SH3PXD2A: variants seen among roughly 807,000 people sequenced by gnomAD.
SH3PXD2A encodes SH3 and PX domain-containing protein 2A.
Under a neutral mutation model 115.2 loss-of-function variants are expected in SH3PXD2A, and 32 were observed. The ratio of observed to expected loss-of-function variants is 0.28; its 90% confidence interval spans 0.21 to 0.37. SH3PXD2A has a LOEUF of 0.37. SH3PXD2A is among the 10% of genes least tolerant of loss of function. SH3PXD2A has a pLI of 1.00. For missense variants in SH3PXD2A, 1,328 were observed against 1,498.7 expected (o/e 0.89, Z 1.88); for synonymous variants, 610 against 629.1 (o/e 0.97, Z 0.45).
intron 8 of SH3PXD2A, 49 bp downstream of exon 8, chr10:103,660,934 G>A: frequency 1.9e-6 from 3 of 1,598,890 alleles, no homozygotes; most frequent in East Asian, 2.2e-5. Context: ...AGCTCGGCCC[G>A]GGGGCCAGAC....
In SH3PXD2A at chr10:103,617,269, T is replaced by C; in HGVS notation, c.848A>G (p.Asp283Gly). The C allele has an allele frequency of 1.2e-6, 2 of 1,614,226 alleles. No homozygotes were observed. The highest frequency in any genetic ancestry group is 1.7e-6 in the Non-Finnish European group (2 of 1,180,000). Reference protein sequence around the residue: ...TVQPYTSQSKDEIGFEKGVTV... With the variant: ...TVQPYTSQSKGEIGFEKGVTV... Reference sequence around the variant, plus strand: ...GACGCCCTTCTCAAAGCCAATCTCGTCCTTGCTTTGGCTGGTGTAAGGCTG... The same window carrying C: ...GACGCCCTTCTCAAAGCCAATCTCGCCCTTGCTTTGGCTGGTGTAAGGCTG... The change falls in exon 11 of 15, where the codon GAC (aspartate) becomes GGC (glycine). Residue 283 changes from aspartate to glycine, a missense_variant. Physicochemically the swap from Asp to Gly is moderately conservative, Grantham distance 94 (BLOSUM62 -1). Transcript: ENST00000369774.
chr10:103,659,850 G>A (rs2037265206), intron 8 of SH3PXD2A, among the ~76,000 whole-genome samples: 1 of 152,128 alleles, frequency 6.6e-6, no homozygotes, highest in Non-Finnish European at 1.5e-5. Context: ...CCCCCAGGAG[G>A]CCCACTGGGA....
At chr10:103,659,806 T>C (rs910450413) in intron 8 of SH3PXD2A, among the ~76,000 whole-genome samples, 1 of 152,122 alleles carries the variant, frequency 6.6e-6, no homozygotes, top group Non-Finnish European at 1.5e-5. Context: ...CCCTGTTCTC[T>C]GGAGCCACTG....
chr10:103,761,035 G>A (rs1165105903), intron 3 of SH3PXD2A, among the ~76,000 whole-genome samples: 2 of 152,182 alleles, frequency 1.3e-5, no homozygotes, highest in Non-Finnish European at 2.9e-5. Flanking sequence ...TGGGAATGCC[G>A]AGAGGTTGGG....
chr10:103,678,030 G>T, intron 6 of SH3PXD2A: 1 of 955,304 alleles, frequency 1.0e-6, no homozygotes, highest in Non-Finnish European at 1.5e-6. Flanking sequence ...AAGGGCGTTG[G>T]CTCCCAGCAT....
At chr10:103,701,337 TC>T (rs1564867882) in intron 5 of SH3PXD2A, among the ~76,000 whole-genome samples, 1 of 132,420 alleles carries the variant, frequency 7.6e-6, no homozygotes, top group East Asian at 2.7e-4. Context: ...CATTCATCCA[TC>T]CATCCATCCA....
At chr10:103,825,865 G>A (rs1399535751) in intron 1 of SH3PXD2A, among the ~76,000 whole-genome samples, 5 of 149,068 alleles carry the variant, frequency 3.4e-5, no homozygotes, top group African/African-American at 5.0e-5. Context: ...CCGGGTTCTC[G>A]CCATTCTCCT....
chr10:103,800,793 G>C (rs2134263518), intron 2 of SH3PXD2A, among the ~76,000 whole-genome samples: 1 of 152,304 alleles, frequency 6.6e-6, no homozygotes, highest in Middle Eastern at 3.4e-3. Flanking sequence ...TACAAACTGG[G>C]TGGCAAGTGC....
intron 1 of SH3PXD2A, among the ~76,000 whole-genome samples, chr10:103,845,999 C>T (rs1392913118): frequency 1.3e-5 from 2 of 152,206 alleles, no homozygotes; most frequent in South Asian, 4.1e-4. Context: ...GTGGTCAGAT[C>T]AGGTAAGAGT....
At chr10:103,843,240 G>A (rs959626110) in intron 1 of SH3PXD2A, among the ~76,000 whole-genome samples, 2 of 152,164 alleles carry the variant, frequency 1.3e-5, no homozygotes, top group East Asian at 1.9e-4. Flanking sequence ...CAGCTTCAGA[G>A]CCACAGCCCA....
intron 3 of SH3PXD2A, chr10:103,736,823 T>TC: frequency 7.8e-7 from 1 of 1,283,380 alleles, no homozygotes; most frequent in Non-Finnish European, 1.0e-6. Flanking sequence ...CTACCTAATT[T>TC]CCCCCTGGAG....
chr10:103,827,676 G>C (rs146299353), intron 1 of SH3PXD2A, among the ~76,000 whole-genome samples: 5 of 152,298 alleles, frequency 3.3e-5, no homozygotes, highest in African/African-American at 1.2e-4. Flanking sequence ...GTGGTACCCA[G>C]TTCTGCTGGG....
At chr10:103,662,838 T>C (rs1751444314) in intron 7 of SH3PXD2A, among the ~76,000 whole-genome samples, 1 of 152,142 alleles carries the variant, frequency 6.6e-6, no homozygotes, top group Admixed American at 6.5e-5. Context: ...AGACAGGGTC[T>C]TTGTTGCCCA....
intron 6 of SH3PXD2A, among the ~76,000 whole-genome samples, chr10:103,671,309 G>A (rs867655037): frequency 7.9e-5 from 12 of 152,304 alleles, no homozygotes; most frequent in Middle Eastern, 6.8e-3. Context: ...ATAAAAGAAT[G>A]AGTGGGCTGT....
At chr10:103,738,439 G>C (rs1280655989) in intron 3 of SH3PXD2A, among the ~76,000 whole-genome samples, 1 of 152,336 alleles carries the variant, frequency 6.6e-6, no homozygotes, top group South Asian at 2.1e-4. Flanking sequence ...TGGCCCTGGG[G>C]CTGGAATTCT....
intron 6 of SH3PXD2A, among the ~76,000 whole-genome samples, chr10:103,687,440 G>A (rs1334890884): frequency 6.6e-6 from 1 of 152,052 alleles, no homozygotes; most frequent in Non-Finnish European, 1.5e-5. Flanking sequence ...GCAAGTTGTC[G>A]GCCTAAGAGT....
At chr10:103,787,506 A>C (rs2038991971) in intron 2 of SH3PXD2A, among the ~76,000 whole-genome samples, 1 of 152,278 alleles carries the variant, frequency 6.6e-6, no homozygotes, top group Non-Finnish European at 1.5e-5. Context: ...GGGCAGGCAC[A>C]CACAGAGGGG....
intron 1 of SH3PXD2A, among the ~76,000 whole-genome samples, chr10:103,840,336 C>G (rs1234113181): frequency 6.6e-6 from 1 of 152,206 alleles, no homozygotes; most frequent in Non-Finnish European, 1.5e-5. Context: ...CAGCCCCCTC[C>G]CCAGACCCAT....
intron 1 of SH3PXD2A, among the ~76,000 whole-genome samples, chr10:103,813,664 T>C (rs551296528): frequency 6.6e-6 from 1 of 152,332 alleles, no homozygotes; most frequent in African/African-American, 2.4e-5. Context: ...ATAGCTTTCA[T>C]AATCTCCATC....
Sources: allele counts gnomAD v4.1 joint callset (sites outside exome capture counted in the v4.1 genomes callset), GRCh38; gene constraint gnomAD v4.1.1; transcripts MANE v1.5; gene names NCBI Gene and HGNC (gene_info 2026-07-23, HGNC 2026-07-21).